GTPBP4: variants seen among roughly 807,000 people sequenced by gnomAD.
GTPBP4 encodes the protein GTP binding protein 4.
GTPBP4 carries 15 observed loss-of-function variants against 81.7 expected under a neutral mutation model. That is an observed-to-expected ratio of 0.18 (90% CI 0.12 to 0.28). GTPBP4 has a LOEUF of 0.28. Among genes scored for constraint, GTPBP4 ranks in the 10% least tolerant of loss-of-function variants. GTPBP4 has a pLI of 1.00. For synonymous variants in GTPBP4, 272 were observed against 274.6 expected (o/e 0.99, Z 0.09); for missense variants, 847 against 793.8 (o/e 1.07, Z -0.81).
chr10:1,005,280 G>A (rs1387681891), intron 8 of GTPBP4, among the ~76,000 whole-genome samples: 2 of 152,114 alleles, frequency 1.3e-5, no homozygotes, highest in Non-Finnish European at 2.9e-5. Context: ...CGAGTAGCTG[G>A]GACTACAGGC....
chr10:1,007,112 C>G lies in GTPBP4; in HGVS notation c.1097C>G (p.Thr366Ser). The change falls in exon 10 of 17, where the codon ACC (threonine) becomes AGC (serine). Residue 366 changes from threonine to serine, a missense_variant. Coordinates refer to ENST00000360803, the MANE Select transcript of GTPBP4 (RefSeq NM_012341.3). ...VLNRLHLAIP[T>S]RRDDKERPPF... ...AATAGACTGCACCTGGCTATCCCAA[C>G]CAGGAGGGACGATAAGGTAAGACGG... 6.3e-7 allele frequency: 1 copy of G among 1,591,266 alleles called. No homozygotes were observed. The highest frequency in any genetic ancestry group is 8.6e-7 in the Non-Finnish European group (1 of 1,159,076).
At chr10:1,003,280 G>A (rs933314701) in intron 8 of GTPBP4, among the ~76,000 whole-genome samples, 2 of 152,018 alleles carry the variant, frequency 1.3e-5, no homozygotes, top group African/African-American at 4.8e-5. Flanking sequence ...TTAAGTTCTT[G>A]TTCATATCAT....
In GTPBP4 at chr10:1,005,871, C is replaced by G. The variant is rs763002068; in HGVS notation, c.966C>G (p.Thr322=). 11 of 1,597,592 alleles carry G rather than the reference C, an allele frequency of 6.9e-6. 1 individual carries two copies. The Admixed American group carries it at 1.9e-4, about 28-fold the overall frequency. ...GATTCCCTGTAATAGAGACCAGCAC[C>G]CTGACTGAGGAAGGTGTTATTAAAG... The part of the protein sequence containing the change: ...SEGFPVIETS[T]LTEEGVIKVK... Residue 322 remains threonine (T), a synonymous_variant, in exon 9 of 17, where the codon ACC becomes ACG. Transcript: ENST00000360803.
At chr10:991,820 C>G (rs1264493046) in intron 1 of GTPBP4, among the ~76,000 whole-genome samples, 2 of 148,806 alleles carry the variant, frequency 1.3e-5, no homozygotes, top group Non-Finnish European at 3.0e-5. Flanking sequence ...CTCAGCCTCC[C>G]GAGTAGCTGG....
intron 8 of GTPBP4, among the ~76,000 whole-genome samples, chr10:1,002,550 G>A (rs916246322): frequency 2.6e-5 from 4 of 152,052 alleles, no homozygotes; most frequent in Admixed American, 6.6e-5. Flanking sequence ...TATTGTCTTC[G>A]CTTCCAGATG....
rs1013699759 is a variant in GTPBP4, at chr10:988,763, C to T, written c.48+236C>T. Reference sequence around the variant, plus strand: ...GGGGTCCACCTAAGACCGTGGTCCACCCAAAGACTGAGGGCCCCCAGAGAT... The same window carrying T: ...GGGGTCCACCTAAGACCGTGGTCCATCCAAAGACTGAGGGCCCCCAGAGAT... On this transcript the variant is annotated intron_variant, in intron 1 of 16. Coordinates refer to ENST00000360803, the MANE Select transcript of GTPBP4 (RefSeq NM_012341.3). 120 of 515,452 alleles carry T rather than the reference C, an allele frequency of 2.3e-4. No homozygotes were observed. In the East Asian group the frequency reaches 3.9e-3, roughly 17 times the overall value. 31.9% of individuals were successfully genotyped at this position (515,452 alleles called of 1,614,324 possible). A position where few individuals can be genotyped will look rare whatever the true frequency, so the allele number is the denominator to read the frequency against.
chr10:1,009,522 A>T lies in GTPBP4; in HGVS notation c.1192-7A>T, dbSNP rs1372146775. ...GAAGCTGATGATAATTTCTCTTTCT[A>T]TTGCAGGAACGAGATCTTGAGCTGG... On this transcript the variant is annotated splice_region_variant and splice_polypyrimidine_tract_variant and intron_variant, in intron 11 of 16. Coordinates refer to ENST00000360803, the MANE Select transcript of GTPBP4 (RefSeq NM_012341.3). 1 of 1,592,828 alleles carries T rather than the reference A, an allele frequency of 6.3e-7. No individual in the cohort carries two copies. Among genetic ancestry groups the T allele is most frequent in the Non-Finnish European group, 8.6e-7 (1 of 1,160,540 alleles).
Position 988,478 on chromosome 10 carries a change from G to C in GTPBP4, c.-2G>C, listed in dbSNP as rs758822834. On this transcript the variant is annotated 5_prime_UTR_variant, in exon 1 of 17. Coordinates refer to ENST00000360803, the MANE Select transcript of GTPBP4 (RefSeq NM_012341.3). ...AGTACCCGCGTGCATACGGCTGCCG[G>C]CATGGCACATTACAACTTCAAGAAA... is the stretch of plus-strand genomic sequence containing the variant. The C allele has an allele frequency of 6.2e-7, 1 of 1,612,918 alleles. No individual in the cohort carries two copies. The highest frequency in any genetic ancestry group is 2.2e-5 in the East Asian group (1 of 44,858).
intron 5 of GTPBP4, among the ~76,000 whole-genome samples, chr10:997,653 A>G (rs972920617): frequency 6.6e-6 from 1 of 152,168 alleles, no homozygotes; most frequent in Non-Finnish European, 1.5e-5. Context: ...ATGTAAGTGC[A>G]TTTTTGTTGA....
Position 1,014,315 on chromosome 10 carries a change from G to A in GTPBP4, c.1608+3G>A. 1 of 1,600,820 alleles carries A rather than the reference G, an allele frequency of 6.2e-7. No homozygotes were observed. The highest frequency in any genetic ancestry group is 8.6e-7 in the Non-Finnish European group (1 of 1,168,144). On this transcript the variant is annotated splice_donor_region_variant and intron_variant, in intron 15 of 16. Coordinates refer to ENST00000360803, the MANE Select transcript of GTPBP4 (RefSeq NM_012341.3). ...TTGACATGGACGATAAAGACGATGT[G>A]AGTGTGGGGGCGGTTCATGTGTTTA...
In GTPBP4 at chr10:996,147, C is replaced by T; in HGVS notation, c.365C>T (p.Ser122Phe). 6.2e-7 allele frequency: 1 copy of T among 1,611,916 alleles called. No individual in the cohort carries two copies. The highest frequency in any genetic ancestry group is 1.3e-5 in the African/African-American group (1 of 75,004). Residue 122 changes from serine to phenylalanine, a missense_variant, in exon 4 of 17, where the codon TCT (serine) becomes TTT (phenylalanine). Physicochemically the swap from Ser to Phe is radical, Grantham distance 155. This residue lies in a region of GTPBP4 where 241 missense variants were observed against 216.3 expected (regional missense o/e 1.11). Coordinates refer to ENST00000360803, the MANE Select transcript of GTPBP4 (RefSeq NM_012341.3). ...DYVRLMKYGD[S>F]LYRCKQLKRA... ...GTGCGACTGATGAAGTATGGCGACT[C>T]TCTCTACCGCTGCAAACAGCTGAAG...
chr10:997,778 C>G (rs1316539244), intron 5 of GTPBP4, among the ~76,000 whole-genome samples: 1 of 152,176 alleles, frequency 6.6e-6, no homozygotes, highest in East Asian at 1.9e-4. Context: ...GCAGCTGCAT[C>G]TGAGTGATCT....
At chr10:993,402 A>T (rs1002012056) in intron 2 of GTPBP4, among the ~76,000 whole-genome samples, 1 of 151,914 alleles carries the variant, frequency 6.6e-6, no homozygotes, top group African/African-American at 2.4e-5. Flanking sequence ...ACAGGTGCAT[A>T]ACCACGCCTA....
chr10:1,011,052 G>GC (rs1431000414), intron 13 of GTPBP4, among the ~76,000 whole-genome samples: 62 of 62,916 alleles, frequency 9.9e-4, no homozygotes, highest in Admixed American at 3.1e-3. Flanking sequence ...GCTGTGCTGG[G>GC]CCCTTCATTC....
intron 8 of GTPBP4, among the ~76,000 whole-genome samples, chr10:1,001,947 G>T: frequency 7.0e-6 from 1 of 142,406 alleles, no homozygotes; most frequent in African/African-American, 2.6e-5. Context: ...TTTTTGAGAT[G>T]GAGTCTCGCT....
At chr10:993,462 G>A (rs1196158181) in intron 2 of GTPBP4, among the ~76,000 whole-genome samples, 1 of 152,158 alleles carries the variant, frequency 6.6e-6, no homozygotes, top group Non-Finnish European at 1.5e-5. Context: ...GGCCAGGCTG[G>A]TCTTGAACTC....
intron 1 of GTPBP4, among the ~76,000 whole-genome samples, chr10:989,668 T>G (rs1181206568): frequency 3.3e-5 from 5 of 152,198 alleles, no homozygotes; most frequent in Non-Finnish European, 7.3e-5. Flanking sequence ...AAAAGTTGTT[T>G]CCCCACTTCT....
intron 1 of GTPBP4, among the ~76,000 whole-genome samples, chr10:990,976 A>G (rs1267649821): frequency 6.6e-6 from 1 of 151,642 alleles, no homozygotes; most frequent in East Asian, 1.9e-4. Context: ...CAGAGGGGAG[A>G]CCGTGTGTGC....
chr10:993,423 T>G (rs1307886050), intron 2 of GTPBP4, among the ~76,000 whole-genome samples: 3 of 152,112 alleles, frequency 2.0e-5, no homozygotes, highest in African/African-American at 4.8e-5. Context: ...ATTTTTGTAT[T>G]TTTAGTAGAA....
Sources: allele counts gnomAD v4.1 joint callset (sites outside exome capture counted in the v4.1 genomes callset), GRCh38; gene constraint gnomAD v4.1.1; regional missense constraint gnomAD v4.1.1; transcripts MANE v1.5; gene names NCBI Gene and HGNC (gene_info 2026-07-23, HGNC 2026-07-21).